Variants in HPCAL4 observed in about 807,000 individuals in gnomAD.
HPCAL4 encodes the protein hippocalcin like 4.
Under a neutral mutation model 18.2 loss-of-function variants are expected in HPCAL4, and 16 were observed. The ratio of observed to expected loss-of-function variants is 0.88; its 90% CI spans 0.59 to 1.33. The LOEUF (loss-of-function observed/expected upper bound fraction) is 1.33, where lower values mean the gene tolerates loss of function less well. Ranked by LOEUF, HPCAL4 falls within the 40% of genes most tolerant of loss-of-function variation. HPCAL4 has a pLI of 0.00. For missense variants in HPCAL4, 214 were observed against 256.6 expected (o/e 0.83, Z 1.14); for synonymous variants, 80 against 97.5 (o/e 0.82, Z 1.06).
chr1:39,682,451 C>A lies in HPCAL4; in HGVS notation c.*85G>T. 1.5e-6 allele frequency: 2 copies of A among 1,342,948 alleles called. No homozygotes were observed. The highest frequency in any genetic ancestry group is 2.1e-6 in the Non-Finnish European group (2 of 949,834). 83.2% of individuals were successfully genotyped at this position (1,342,948 alleles called of 1,614,324 possible). A position where few individuals can be genotyped will look rare whatever the true frequency, so the allele number is the denominator to read the frequency against. On this transcript the variant is annotated 3_prime_UTR_variant, in exon 4 of 4. Coordinates refer to ENST00000372844, the MANE Select transcript of HPCAL4 (RefSeq NM_016257.4). ...CAGAGAGGGGGGCTGGAGTGTCCCT[C>A]CTCCTGGGAGGCCAGCCAGAGAGGT...
chr1:39,689,113 CT>C (rs1196399555), intron 1 of HPCAL4, among the ~76,000 whole-genome samples: 1 of 152,222 alleles, frequency 6.6e-6, no homozygotes, highest in East Asian at 1.9e-4. Flanking sequence ...CCCCAGTCCA[CT>C]TTTGAGCAGG....
Position 39,680,255 on chromosome 1 carries a change from T to C in HPCAL4, c.*2281A>G, listed in dbSNP as rs1001193230. On this transcript the variant is annotated 3_prime_UTR_variant, in exon 4 of 4. Coordinates refer to ENST00000372844, the MANE Select transcript of HPCAL4 (RefSeq NM_016257.4). Reference sequence around the variant, plus strand: ...CCTCTTAGAGCCTTGGTTCAAGTCTTAGCCCTGTGTCACCTCCTGACTATG... The same window carrying C: ...CCTCTTAGAGCCTTGGTTCAAGTCTCAGCCCTGTGTCACCTCCTGACTATG... 6.6e-6 allele frequency: 1 copy of C among 152,262 alleles called. No individual in the cohort carries two copies. Among genetic ancestry groups the C allele is most frequent in the East Asian group, 1.9e-4 (1 of 5,194 alleles). 9.4% of individuals were successfully genotyped at this position (152,262 alleles called of 1,614,324 possible).
chr1:39,683,115 C>A (rs4459101), intron 3 of HPCAL4, among the ~76,000 whole-genome samples: 71,465 of 152,088 alleles, frequency 0.47, 16,946 homozygotes, highest in Admixed American at 0.56. Context: ...AACTCATTAC[C>A]TCAGGTAATC....
At chr1:39,688,597 G>A (rs982171489) in intron 1 of HPCAL4, among the ~76,000 whole-genome samples, 27 of 152,036 alleles carry the variant, frequency 1.8e-4, no homozygotes, top group Non-Finnish European at 2.8e-4. Context: ...TTTTCCCCCC[G>A]AAAGTTACAA....
At position 39,684,719 on chromosome 1, in the gene HPCAL4, C is replaced by T. The variant is rs2124191190; in HGVS notation, c.-8-108G>A. ...AGGGCGGGGTTGCAGGTTCCTTCCC[C>T]TCATGACACTCCCCCATAATGGGGC... On this transcript the variant is annotated intron_variant, in intron 1 of 3. Transcript: ENST00000372844. 12 of 895,776 alleles carry T rather than the reference C, an allele frequency of 1.3e-5. No individual in the cohort carries two copies. In the South Asian group the frequency reaches 2.0e-4, roughly 15 times the overall value. The allele number at this position is 895,776 out of a possible 1,614,324, so 55.5% of individuals were successfully genotyped here.
chr1:39,688,207 G>A (rs1210005766), intron 1 of HPCAL4, among the ~76,000 whole-genome samples: 1 of 152,148 alleles, frequency 6.6e-6, no homozygotes, highest in Non-Finnish European at 1.5e-5. Context: ...ACCATCTGGG[G>A]CCACAATCTC....
chr1:39,686,432 G>C (rs1646676007), intron 1 of HPCAL4, among the ~76,000 whole-genome samples: 1 of 152,184 alleles, frequency 6.6e-6, no homozygotes, highest in African/African-American at 2.4e-5. Flanking sequence ...GAGCAGGGAG[G>C]GGCCTGCTAC....
rs1010218972 is a variant in HPCAL4, at chr1:39,679,000, T to C, written c.*3536A>G. On this transcript the variant is annotated 3_prime_UTR_variant, in exon 4 of 4. Transcript: ENST00000372844. ...TTTTTCTGACTTTTTAATTCCAAGG[T>C]TTGAATTATTTCTTTTTTCAAGAAT... 1.3e-5 allele frequency: 2 copies of C among 152,134 alleles called. No homozygotes were observed. Among genetic ancestry groups the C allele is most frequent in the African/African-American group, 4.8e-5 (2 of 41,418 alleles). The allele number at this position is 152,134 out of a possible 1,614,324, so 9.4% of individuals were successfully genotyped here.
At chr1:39,684,295 C>T in intron 2 of HPCAL4, 143 bp from the exon 3 acceptor site, 7 of 1,083,308 alleles carry the variant, frequency 6.5e-6, no homozygotes, top group Non-Finnish European at 9.1e-6. Context: ...GCCTCACCTC[C>T]CCCGCACCCC....
chr1:39,684,265 T>G, intron 2 of HPCAL4, 113 bp from the exon 3 acceptor site: 4 of 1,058,492 alleles, frequency 3.8e-6, no homozygotes, highest in South Asian at 1.6e-5. Flanking sequence ...CCCGGGTGCC[T>G]TGCCCCCGCC....
At chr1:39,689,672 C>G (rs990419638) in intron 1 of HPCAL4, among the ~76,000 whole-genome samples, 1 of 152,224 alleles carries the variant, frequency 6.6e-6, no homozygotes, top group Non-Finnish European at 1.5e-5. Context: ...ATACACAAAA[C>G]CATTGTCCCA....
intron 3 of HPCAL4, 121 bp from the exon 4 acceptor site, chr1:39,682,854 T>C (rs1646638582): frequency 1.4e-6 from 1 of 705,244 alleles, no homozygotes; most frequent in Non-Finnish European, 2.5e-6. Context: ...GGAAGGTATA[T>C]GTGGTCATTA....
chr1:39,684,694 A>G (rs973988905), intron 1 of HPCAL4, 83 bp from the exon 2 acceptor site: 49 of 1,272,508 alleles, frequency 3.9e-5, no homozygotes, highest in Non-Finnish European at 4.9e-5. Flanking sequence ...TGCCACACAC[A>G]GGGCGGGGTT....
At chr1:39,682,791 G>T (rs923941239) in intron 3 of HPCAL4, 58 bp from the exon 4 acceptor site, 1 of 1,409,276 alleles carries the variant, frequency 7.1e-7, no homozygotes, top group Non-Finnish European at 1.0e-6. Context: ...GAGAAGCAGC[G>T]GGTGAAGGAA....
chr1:39,687,075 CT>C (rs1646681414), intron 1 of HPCAL4, among the ~76,000 whole-genome samples: 1 of 152,196 alleles, frequency 6.6e-6, no homozygotes, highest in Admixed American at 6.5e-5. Context: ...GTTACAGATC[CT>C]CTCTGGGCCT....
rs367628389 is a variant in HPCAL4, at chr1:39,684,083, C to T, written c.232G>A (p.Gly78Ser). Reference sequence around the variant, plus strand: ...ATGAACTCCCGGAAGTCGATGGTGCCGTCGCCGTTCTTGTCGAAGGTGCGG... The same window carrying T: ...ATGAACTCCCGGAAGTCGATGGTGCTGTCGCCGTTCTTGTCGAAGGTGCGG... ...AFRTFDKNGD[G>S]TIDFREFICA... Residue 78 changes from glycine to serine, a missense_variant, in exon 3 of 4, where the codon GGC becomes AGC. Gly to Ser is a moderately conservative substitution (Grantham distance 56). Coordinates refer to ENST00000372844, the MANE Select transcript of HPCAL4 (RefSeq NM_016257.4). The T allele has an allele frequency of 5.5e-5, 88 of 1,613,836 alleles. No individual in the cohort carries two copies. Among genetic ancestry groups the T allele is most frequent in the Non-Finnish European group, 5.1e-5 (60 of 1,179,900 alleles).
At position 39,683,933 on chromosome 1, in the gene HPCAL4, G is replaced by A. The variant is rs767343325; in HGVS notation, c.378+4C>T. ...GGAACAGCAGCGCCCGCGCGGCCCC[G>A]CACCTCGATGATCTCCAGCATCTCC... On this transcript the variant is annotated splice_donor_region_variant and intron_variant, in intron 3 of 3. Coordinates refer to ENST00000372844, the MANE Select transcript of HPCAL4 (RefSeq NM_016257.4). 3.7e-6 allele frequency: 6 copies of A among 1,612,166 alleles called. No homozygotes were observed. In the South Asian group the frequency reaches 4.4e-5, roughly 12 times the overall value.
At chr1:39,689,595 A>G (rs909096351) in intron 1 of HPCAL4, among the ~76,000 whole-genome samples, 3 of 152,206 alleles carry the variant, frequency 2.0e-5, no homozygotes, top group Non-Finnish European at 4.4e-5. Context: ...CCTGCTGAAC[A>G]TGGGCAGGCT....
chr1:39,683,860 C>G, intron 3 of HPCAL4, 77 bp downstream of exon 3: 1 of 1,353,408 alleles, frequency 7.4e-7, no homozygotes, highest in Admixed American at 1.8e-5. Context: ...CCCCGAAGCC[C>G]GAGAGCAGCG....
Sources: gnomAD v4.1 joint callset for allele counts (sites outside exome capture counted in the v4.1 genomes callset) on GRCh38, gnomAD v4.1.1 for gene constraint, MANE v1.5 for transcripts, NCBI Gene and HGNC (gene_info 2026-07-23, HGNC 2026-07-21) for gene names.